The following PRKCE variants were observed in gnomAD, a reference collection of about 807,000 sequenced individuals.
PRKCE encodes the protein protein kinase C epsilon, also known as protein kinase C epsilon type.
Under a neutral mutation model 85.4 loss-of-function variants are expected in PRKCE, and 16 were observed. That is an observed-to-expected ratio of 0.19 (90% confidence interval 0.13 to 0.28). PRKCE has a LOEUF of 0.28. Ranked by LOEUF, PRKCE falls within the 10% of genes least tolerant of loss-of-function variation. The pLI is 1.00. For missense variants in PRKCE, 573 were observed against 975.2 expected, an observed-to-expected ratio of 0.59 and a Z score of 5.49; for synonymous variants, 388 against 371.5, an observed-to-expected ratio of 1.04 and a Z score of -0.51.
intron 14 of PRKCE, among the ~76,000 whole-genome samples, chr2:46,179,545 T>C (rs1177654246): frequency 3.3e-5 from 5 of 152,150 alleles, no homozygotes; most frequent in African/African-American, 4.8e-5. Flanking sequence ...AAGACCTTAT[T>C]TCTGAAATGA....
At chr2:46,165,822 C>T (rs751969173) in intron 14 of PRKCE, among the ~76,000 whole-genome samples, 16 of 152,294 alleles carry the variant, frequency 1.1e-4, no homozygotes, top group East Asian at 1.9e-4. Context: ...GGGAAGCCAG[C>T]GTAGGAGGGA....
chr2:45,993,063 A>G (rs1056752707), intron 6 of PRKCE, among the ~76,000 whole-genome samples: 13 of 151,238 alleles, frequency 8.6e-5, no homozygotes, highest in Admixed American at 7.2e-4. Flanking sequence ...TTCTGGAAAG[A>G]GAAGCCTTAA....
At chr2:45,814,415 G>A (rs979647595) in intron 1 of PRKCE, among the ~76,000 whole-genome samples, 1 of 152,234 alleles carries the variant, frequency 6.6e-6, no homozygotes, top group African/African-American at 2.4e-5. Flanking sequence ...GCTGATTGCA[G>A]CTGGAGGTCA....
intron 2 of PRKCE, among the ~76,000 whole-genome samples, chr2:45,928,939 T>A (rs1269059152): frequency 6.6e-6 from 1 of 152,202 alleles, no homozygotes; most frequent in Non-Finnish European, 1.5e-5. Context: ...GAGGTCCACC[T>A]GTCTGAGTTG....
At chr2:46,057,482 T>A (rs912276803) in intron 10 of PRKCE, among the ~76,000 whole-genome samples, 4 of 151,882 alleles carry the variant, frequency 2.6e-5, no homozygotes, top group Non-Finnish European at 4.4e-5. Context: ...TCACCCAGGC[T>A]GGAGTGCAGT....
chr2:46,179,409 C>G (rs1679752576), intron 14 of PRKCE, among the ~76,000 whole-genome samples: 1 of 152,074 alleles, frequency 6.6e-6, no homozygotes, highest in Non-Finnish European at 1.5e-5. Context: ...GCTGCCTGAG[C>G]TCTGAGGCAG....
intron 1 of PRKCE, among the ~76,000 whole-genome samples, chr2:45,667,779 T>A (rs1054495386): frequency 1.3e-5 from 2 of 151,898 alleles, no homozygotes; most frequent in Admixed American, 6.6e-5. Flanking sequence ...CTTGTTATTA[T>A]ATATGTTTTA....
chr2:45,708,712 C>A (rs1679342570), intron 1 of PRKCE, among the ~76,000 whole-genome samples: 1 of 152,174 alleles, frequency 6.6e-6, no homozygotes, highest in African/African-American at 2.4e-5. Context: ...CAGGTGTGGT[C>A]CTGTGGCTCA....
chr2:45,859,076 AT>A (rs1209440156), intron 2 of PRKCE, among the ~76,000 whole-genome samples: 1,653 of 150,172 alleles, frequency 0.011, 20 homozygotes, highest in South Asian at 0.057. Context: ...AAATAAATAA[AT>A]AAATAAATAA....
rs114497484 is a variant in PRKCE, at chr2:45,850,902, C to T, written c.412+7839C>T. ...ATTTGCTTATCTAATATATACGAGG[C>T]CCTGGGGATGTAGAGCTAATGAACA... On this transcript the variant is annotated intron_variant, in intron 2 of 14. Coordinates refer to ENST00000306156, the MANE Select transcript of PRKCE (RefSeq NM_005400.3). 1.3e-5 allele frequency among the ~76,000 whole-genome samples: 2 copies of T among 152,132 alleles called. 1 individual carries two copies. The highest frequency in any genetic ancestry group is 4.1e-4 in the South Asian group (2 of 4,824).
intron 1 of PRKCE, among the ~76,000 whole-genome samples, chr2:45,687,142 C>T (rs545314434): frequency 6.6e-5 from 10 of 151,864 alleles, no homozygotes; most frequent in African/African-American, 1.9e-4. Context: ...TCATGGAGCC[C>T]GAGTCCATGA....
intron 1 of PRKCE, among the ~76,000 whole-genome samples, chr2:45,737,826 A>G (rs1473246076): frequency 1.3e-5 from 2 of 152,072 alleles, no homozygotes; most frequent in African/African-American, 4.8e-5. Context: ...GTACATTGCC[A>G]AGTGCTTCTT....
intron 8 of PRKCE, among the ~76,000 whole-genome samples, chr2:46,005,057 C>T (rs1043930162): frequency 1.3e-5 from 2 of 152,138 alleles, no homozygotes; most frequent in African/African-American, 4.8e-5. Context: ...ATACCCAAAA[C>T]CTGAGATCAG....
intron 12 of PRKCE, 77 bp from the exon 13 acceptor site, chr2:46,150,964 C>A: frequency 7.3e-7 from 1 of 1,371,004 alleles, no homozygotes; most frequent in Non-Finnish European, 9.9e-7. Flanking sequence ...GAAGTCCTTC[C>A]CATGGGCGTT....
chr2:45,779,376 G>A (rs1201484465), intron 1 of PRKCE, among the ~76,000 whole-genome samples: 1 of 152,124 alleles, frequency 6.6e-6, no homozygotes, highest in East Asian at 1.9e-4. Flanking sequence ...GGCGGATGAA[G>A]GCACAGAGGC....
At chr2:45,797,612 A>T (rs755309149) in intron 1 of PRKCE, among the ~76,000 whole-genome samples, 1 of 152,232 alleles carries the variant, frequency 6.6e-6, no homozygotes, top group Non-Finnish European at 1.5e-5. Context: ...TGGGAGAAGG[A>T]CAAGGAACAT....
chr2:46,181,666 A>G (rs1574689020), intron 14 of PRKCE, among the ~76,000 whole-genome samples: 2 of 152,244 alleles, frequency 1.3e-5, no homozygotes, highest in Admixed American at 6.5e-5. Context: ...AAATGAAACC[A>G]GCTTCCATGA....
chr2:45,714,471 A>G (rs1032203716), intron 1 of PRKCE, among the ~76,000 whole-genome samples: 1 of 152,286 alleles, frequency 6.6e-6, no homozygotes, highest in African/African-American at 2.4e-5. Context: ...TGATGTGCTC[A>G]AGGTCAAAAA....
intron 1 of PRKCE, among the ~76,000 whole-genome samples, chr2:45,765,126 C>T (rs562980318): frequency 2.6e-5 from 4 of 152,288 alleles, no homozygotes; most frequent in East Asian, 1.9e-4. Flanking sequence ...ATGGAGGAAA[C>T]GCTTTACCCT....
Sources: allele counts gnomAD v4.1 joint callset (sites outside exome capture counted in the v4.1 genomes callset), GRCh38; gene constraint gnomAD v4.1.1; transcripts MANE v1.5; gene names NCBI Gene and HGNC (gene_info 2026-07-23, HGNC 2026-07-21).